The following CPVL variants were observed in gnomAD, a reference collection of about 807,000 sequenced individuals.
The protein encoded by CPVL is carboxypeptidase vitellogenic like, also known as probable serine carboxypeptidase CPVL.
CPVL carries 51 observed loss-of-function variants against 63.7 expected under a neutral mutation model. The ratio of observed to expected loss-of-function variants is 0.80; its 90% CI spans 0.64 to 1.01. CPVL has a LOEUF of 1.01. Among genes scored for constraint, CPVL ranks in the 50% least tolerant of loss-of-function variants. The probability of loss-of-function intolerance (pLI) is 0.00; values close to 1 mark genes in which losing one functional copy is unlikely to be tolerated. For synonymous variants in CPVL, 195 were observed against 206.0 expected, an observed-to-expected ratio of 0.95 and a Z score of 0.46; for missense variants, 530 against 573.1, an observed-to-expected ratio of 0.92 and a Z score of 0.77.
chr7:29,159,311 C>T (rs938074300), intron 5 of CPVL, among the ~76,000 whole-genome samples: 2 of 152,136 alleles, frequency 1.3e-5, no homozygotes, highest in African/African-American at 2.4e-5. Context: ...TGGTTAGAAG[C>T]AGAATAAGGG....
intron 11 of CPVL, among the ~76,000 whole-genome samples, chr7:29,043,394 T>G (rs1057430000): frequency 1.3e-5 from 2 of 152,188 alleles, no homozygotes; most frequent in East Asian, 1.9e-4. Flanking sequence ...TTTTTTGGTG[T>G]TGTTTTTCTT....
At chr7:29,186,995 A>G (rs1457209687) in intron 1 of CPVL, among the ~76,000 whole-genome samples, 2 of 152,180 alleles carry the variant, frequency 1.3e-5, no homozygotes, top group Non-Finnish European at 2.9e-5. Context: ...GAGGATAACA[A>G]TTCTCACTTC....
intron 12 of CPVL, among the ~76,000 whole-genome samples, chr7:29,029,223 C>T (rs553588908): frequency 1.2e-3 from 183 of 151,600 alleles, no homozygotes; most frequent in African/African-American, 4.3e-3. Context: ...TTAGTACAGC[C>T]ATTATAGAAA....
At chr7:29,140,326 GT>G (rs1791739772) in intron 1 of CPVL, among the ~76,000 whole-genome samples, 1 of 152,106 alleles carries the variant, frequency 6.6e-6, no homozygotes, top group Non-Finnish European at 1.5e-5. Flanking sequence ...TATACAAATA[GT>G]TTTCTCTCCT....
chr7:29,189,825 C>T (rs529386948), intron 1 of CPVL, among the ~76,000 whole-genome samples: 4 of 152,178 alleles, frequency 2.6e-5, no homozygotes, highest in Admixed American at 6.5e-5. Flanking sequence ...GGCAATACCC[C>T]CAAGCCCCCC....
intron 12 of CPVL, among the ~76,000 whole-genome samples, chr7:29,002,688 G>A (rs2128126567): frequency 6.6e-6 from 1 of 152,018 alleles, no homozygotes; most frequent in Non-Finnish European, 1.5e-5. Flanking sequence ...ATATATACAA[G>A]AGAATCAAAT....
chr7:29,149,244 C>A (rs1177403478), upstream of CPVL, among the ~76,000 whole-genome samples: 1 of 127,846 alleles, frequency 7.8e-6, no homozygotes, highest in African/African-American at 3.0e-5. Flanking sequence ...CCAGGCTGGA[C>A]TGCAATGTCG....
chr7:29,133,867 C>T (rs982900393), intron 1 of CPVL, among the ~76,000 whole-genome samples: 1 of 152,150 alleles, frequency 6.6e-6, no homozygotes, highest in Non-Finnish European at 1.5e-5. Context: ...CATACAACTA[C>T]AGAAAGGGTC....
intron 1 of CPVL, among the ~76,000 whole-genome samples, chr7:29,189,936 A>C (rs1053693245): frequency 1.7e-4 from 26 of 152,320 alleles, no homozygotes; most frequent in African/African-American, 5.5e-4. Flanking sequence ...GGAATTGGGT[A>C]GCAGAGGCGG....
intron 7 of CPVL, chr7:29,080,339 C>G (rs1784583279): frequency 1.3e-5 from 2 of 152,070 alleles, no homozygotes; most frequent in Admixed American, 1.3e-4. Context: ...GTAGGCAGAT[C>G]ACCCAGTCAG....
chr7:29,189,727 CAA>C (rs1283279634), intron 1 of CPVL, among the ~76,000 whole-genome samples: 3 of 152,124 alleles, frequency 2.0e-5, no homozygotes, highest in African/African-American at 4.8e-5. Flanking sequence ...TCTTTCCAGT[CAA>C]AGAGACTGCA....
chr7:28,996,196 G>C (rs1056113209), intron 12 of CPVL: 1 of 232,524 alleles, frequency 4.3e-6, no homozygotes, highest in Non-Finnish European at 8.3e-6. Context: ...GCAGTTGAGA[G>C]TGCTGCACTG....
chr7:29,076,324 G>A (rs971537400), intron 7 of CPVL, among the ~76,000 whole-genome samples: 11 of 152,194 alleles, frequency 7.2e-5, no homozygotes, highest in African/African-American at 2.4e-4. Context: ...GTTCGCCAGT[G>A]TGGGCAGCAG....
chr7:29,141,420 C>T (rs1207087887), intron 1 of CPVL, among the ~76,000 whole-genome samples: 4 of 151,940 alleles, frequency 2.6e-5, no homozygotes, highest in Non-Finnish European at 5.9e-5. Flanking sequence ...CATGGTAGCA[C>T]ATGCCTGTAG....
At chr7:29,184,246 A>G (rs1438427197) in intron 4 of CPVL, among the ~76,000 whole-genome samples, 1 of 150,772 alleles carries the variant, frequency 6.6e-6, no homozygotes, top group Non-Finnish European at 1.5e-5. Flanking sequence ...ATACATATAC[A>G]ATCTATATAT....
chr7:29,093,308 C>T (rs1014162561), intron 5 of CPVL, among the ~76,000 whole-genome samples: 4 of 125,834 alleles, frequency 3.2e-5, no homozygotes, highest in Admixed American at 1.7e-4. Flanking sequence ...GCCCAGGAGG[C>T]GGAGATTGCA....
intron 7 of CPVL, among the ~76,000 whole-genome samples, chr7:29,079,921 T>C (rs77119218): frequency 0.11 from 16,018 of 152,118 alleles, 1,048 homozygotes; most frequent in Middle Eastern, 0.15. Flanking sequence ...GAACAATGAG[T>C]TGACAACAAG....
chr7:29,088,973 CAATAAT>C (rs1243097925), intron 6 of CPVL, among the ~76,000 whole-genome samples: 1 of 151,892 alleles, frequency 6.6e-6, no homozygotes, highest in African/African-American at 2.4e-5. Flanking sequence ...GACTCCGTCT[CAATAAT>C]AATAATAATA....
intron 1 of CPVL, among the ~76,000 whole-genome samples, chr7:29,138,999 T>A (rs1791559315): frequency 6.6e-6 from 1 of 152,226 alleles, no homozygotes; most frequent in Non-Finnish European, 1.5e-5. Context: ...ATTACACATG[T>A]ATTTCTCATA....
Sources: allele counts gnomAD v4.1 joint callset (sites outside exome capture counted in the v4.1 genomes callset), GRCh38; gene constraint gnomAD v4.1.1; transcripts MANE v1.5; gene names NCBI Gene and HGNC (gene_info 2026-07-23, HGNC 2026-07-21).